ITPR1: variants seen among roughly 807,000 people sequenced by gnomAD.
ITPR1 encodes the protein inositol 1,4,5-trisphosphate-gated calcium channel ITPR1.
A neutral mutation model predicts 318.4 loss-of-function variants in ITPR1; 96 were observed. The observed-to-expected ratio is 0.30, with a 90% CI of 0.26 to 0.36. ITPR1 has a LOEUF of 0.36. Among genes scored for constraint, ITPR1 ranks in the 10% least tolerant of loss-of-function variants. ITPR1 has a pLI of 1.00. For missense variants in ITPR1, 2,440 were observed against 3,460.2 expected, an observed-to-expected ratio of 0.71 and a Z score of 7.40; for synonymous variants, 1,312 against 1,289.9, an observed-to-expected ratio of 1.02 and a Z score of -0.37.
chr3:4,656,753 C>T (rs1016156680), intron 12 of ITPR1, among the ~76,000 whole-genome samples: 6 of 152,182 alleles, frequency 3.9e-5, no homozygotes, highest in Non-Finnish European at 5.9e-5. Context: ...TCTCCTTCCT[C>T]TCTGTCTGGA....
rs774119459 is a variant in ITPR1 at position 4,811,248 on chromosome 3, T to A, written c.7273-17T>A. On this transcript the variant is annotated splice_polypyrimidine_tract_variant and intron_variant, in intron 55 of 61. Coordinates refer to ENST00000649015, the MANE Select transcript of ITPR1 (RefSeq NM_001378452.1). ...AACATCAAGGCTTCTTAAAATTCTTTTTGTTTGTTTTCAAAGCTTTTTGAT... is the reference window on the plus strand; with the variant it reads ...AACATCAAGGCTTCTTAAAATTCTTATTGTTTGTTTTCAAAGCTTTTTGAT... 1 of 1,521,868 alleles carries A rather than the reference T, an allele frequency of 6.6e-7. No homozygotes were observed. Among genetic ancestry groups the A allele is most frequent in the South Asian group, 1.3e-5 (1 of 76,912 alleles). 94.3% of individuals were successfully genotyped at this position (1,521,868 alleles called of 1,614,324 possible). A position where few individuals can be genotyped will look rare whatever the true frequency, so the allele number is the denominator to read the frequency against.
intron 55 of ITPR1, among the ~76,000 whole-genome samples, chr3:4,810,372 A>T (rs984077192): frequency 1.3e-5 from 2 of 152,204 alleles, no homozygotes; most frequent in African/African-American, 4.8e-5. Flanking sequence ...TAGCTCTTGG[A>T]AAACTAGCCA....
chr3:4,794,185 G>A (rs1256500995), intron 52 of ITPR1, among the ~76,000 whole-genome samples: 1 of 152,232 alleles, frequency 6.6e-6, no homozygotes, highest in East Asian at 1.9e-4. Flanking sequence ...CACCCTAAGT[G>A]TAAAGCACCA....
intron 40 of ITPR1, among the ~76,000 whole-genome samples, chr3:4,725,128 C>T (rs1363478641): frequency 6.6e-6 from 1 of 151,752 alleles, no homozygotes; most frequent in African/African-American, 2.4e-5. Flanking sequence ...AGCCTTGGGC[C>T]CCTGCTTTCA....
In ITPR1 at chr3:4,795,678, A is replaced by C. The variant is rs939626860; in HGVS notation, c.6931+491A>C. ...TGCCAGGGGTCAGAGGGGAGGCAGG[A>C]CTTGAATGACTGCAGACTGTACAAT... On this transcript the variant is annotated intron_variant, in intron 53 of 61. Transcript: ENST00000649015. Among the ~76,000 whole-genome samples, 6 of 152,326 alleles carry C rather than the reference A, an allele frequency of 3.9e-5. No homozygotes were observed. In the South Asian group the frequency reaches 1.2e-3, roughly 32 times the overall value.
intron 60 of ITPR1, among the ~76,000 whole-genome samples, chr3:4,827,452 C>A (rs921687907): frequency 6.6e-6 from 1 of 152,134 alleles, no homozygotes; most frequent in Non-Finnish European, 1.5e-5. Context: ...TCTTTAAAAC[C>A]TGCGTCTTTA....
intron 46 of ITPR1, among the ~76,000 whole-genome samples, chr3:4,769,939 C>T (rs1175439029): frequency 6.6e-6 from 1 of 152,224 alleles, no homozygotes; most frequent in East Asian, 1.9e-4. Context: ...CACTGGGTCC[C>T]TGGCTTTTGC....
chr3:4,801,315 G>A (rs2048214317), intron 54 of ITPR1, among the ~76,000 whole-genome samples: 1 of 152,140 alleles, frequency 6.6e-6, no homozygotes, highest in South Asian at 2.1e-4. Flanking sequence ...ATGCAAAACT[G>A]GAAGTGATAT....
intron 4 of ITPR1, among the ~76,000 whole-genome samples, chr3:4,615,445 C>T (rs1300435705): frequency 1.2e-4 from 17 of 147,722 alleles, no homozygotes; most frequent in Admixed American, 8.3e-4. Flanking sequence ...GGCACGATCT[C>T]GTCTCACTGC....
At chr3:4,702,733 C>G (rs1189391137) in intron 35 of ITPR1, 97 bp from the exon 36 acceptor site, 1 of 1,304,870 alleles carries the variant, frequency 7.7e-7, no homozygotes, top group South Asian at 1.3e-5. Flanking sequence ...GATCTGGGGT[C>G]CAGTGGTTCA....
chr3:4,639,720 A>T (rs1289156527), intron 6 of ITPR1, among the ~76,000 whole-genome samples: 1 of 152,124 alleles, frequency 6.6e-6, no homozygotes, highest in Admixed American at 6.5e-5. Flanking sequence ...AGACACTTCA[A>T]ATGGGAAGCT....
Position 4,744,529 on chromosome 3 carries a change from C to A in ITPR1, c.5544+9175C>A, listed in dbSNP as rs182831680. On this transcript the variant is annotated intron_variant, in intron 44 of 61. Transcript: ENST00000649015. ...TTATTGGTGCATAGCTGCAGTTTTT[C>A]CTTTGGGATTGTCCTAACTGCTTTC... Among the ~76,000 whole-genome samples the A allele has an allele frequency of 1.1e-4, 17 of 152,270 alleles. No homozygotes were observed. The East Asian group carries it at 3.3e-3, about 29-fold the overall frequency.
rs146213869 is a variant in ITPR1, at chr3:4,799,468, C to CA, written c.6932-956dup. On this transcript the variant is annotated intron_variant, in intron 53 of 61. Transcript: ENST00000649015. ...CGTGGACTCAATGAACTAGGGCAGC[C>CA]AGCAGCTGGTGGAAGAGCTGTGCCC... is the stretch of plus-strand genomic sequence containing the variant. Among the ~76,000 whole-genome samples, 1,061 of 152,274 alleles carry CA rather than the reference C, an allele frequency of 7.0e-3. 26 individuals carry two copies. Among genetic ancestry groups the CA allele is most frequent in the East Asian group, 0.027 (139 of 5,174 alleles).
intron 60 of ITPR1, among the ~76,000 whole-genome samples, chr3:4,824,507 A>G (rs1227587179): frequency 6.6e-6 from 1 of 152,110 alleles, no homozygotes; most frequent in Non-Finnish European, 1.5e-5. Flanking sequence ...CTGTGTGCAC[A>G]TGCACACAGC....
In ITPR1 at chr3:4,684,289, T is replaced by C; in HGVS notation, c.3507T>C (p.Asn1169=). The C allele has an allele frequency of 6.3e-7, 1 of 1,592,626 alleles. No homozygotes were observed. Among genetic ancestry groups the C allele is most frequent in the East Asian group, 2.3e-5 (1 of 43,062 alleles). The change falls in exon 29 of 62, where the codon AAT becomes AAC. Residue 1169 remains asparagine (N), a synonymous_variant. Transcript: ENST00000649015. The part of the protein sequence containing the change: ...ENEHKKTEEG[N]NKPQKHESTS... Reference sequence around the variant, plus strand: ...TTCACTTTGGTTTCTAGGAGGGAAATAACAAGCCACAAAAGCATGAAAGCA... The same window carrying C: ...TTCACTTTGGTTTCTAGGAGGGAAACAACAAGCCACAAAAGCATGAAAGCA...
intron 4 of ITPR1, among the ~76,000 whole-genome samples, chr3:4,547,078 A>G (rs2085093201): frequency 6.6e-6 from 1 of 152,194 alleles, no homozygotes; most frequent in Admixed American, 6.5e-5. Context: ...GAAACACAGC[A>G]AAACTTTTAT....
chr3:4,792,073 CG>C (rs2047592112), intron 52 of ITPR1, among the ~76,000 whole-genome samples: 1 of 152,184 alleles, frequency 6.6e-6, no homozygotes, highest in South Asian at 2.1e-4. Flanking sequence ...CTGTGGCCCC[CG>C]GCCCCTCCCT....
chr3:4,682,866 C>T (rs1475322306), intron 26 of ITPR1, among the ~76,000 whole-genome samples: 1 of 132,822 alleles, frequency 7.5e-6, no homozygotes, highest in Non-Finnish European at 1.8e-5. Flanking sequence ...ATGGAGTAGT[C>T]TGCCATTTGA....
chr3:4,835,567 T>G (rs1399229751), intron 60 of ITPR1, among the ~76,000 whole-genome samples: 2 of 150,188 alleles, frequency 1.3e-5, no homozygotes, highest in South Asian at 4.2e-4. Flanking sequence ...TCCGAGTGAG[T>G]GTGTGTGTGT....
Sources: allele counts gnomAD v4.1 joint callset (sites outside exome capture counted in the v4.1 genomes callset), GRCh38; gene constraint gnomAD v4.1.1; transcripts MANE v1.5; gene names NCBI Gene and HGNC (gene_info 2026-07-23, HGNC 2026-07-21).